Variants in CMIP observed in about 807,000 individuals in gnomAD.
The protein encoded by CMIP is C-Maf-inducing protein.
Under a neutral mutation model 97.3 loss-of-function variants are expected in CMIP, and 13 were observed. The observed-to-expected ratio is 0.13, with a 90% CI of 0.09 to 0.21. The LOEUF (loss-of-function observed/expected upper bound fraction) is 0.21. CMIP is among the 10% of genes least tolerant of loss of function. The pLI is 1.00. For synonymous variants in CMIP, 538 were observed against 436.3 expected (o/e 1.23, Z -2.91); for missense variants, 847 against 1,024.9 (o/e 0.83, Z 2.37).
At chr16:81,461,437 G>A (rs547586969) in intron 1 of CMIP, among the ~76,000 whole-genome samples, 3 of 152,264 alleles carry the variant, frequency 2.0e-5, no homozygotes, top group South Asian at 2.1e-4. Context: ...TGCCTTGACC[G>A]TGGTAGACAT....
At chr16:81,483,256 G>T (rs1397023222) in intron 1 of CMIP, among the ~76,000 whole-genome samples, 1 of 152,214 alleles carries the variant, frequency 6.6e-6, no homozygotes, top group African/African-American at 2.4e-5. Context: ...AAGGCCATGG[G>T]GCAGCGGCTA....
chr16:81,707,302 A>T (rs545759204), intron 20 of CMIP, among the ~76,000 whole-genome samples: 1 of 152,376 alleles, frequency 6.6e-6, no homozygotes, highest in East Asian at 1.9e-4. Flanking sequence ...GTGATCAGGG[A>T]TGGTGCCTTT....
At chr16:81,610,982 C>T (rs1172088223) in intron 2 of CMIP, among the ~76,000 whole-genome samples, 3 of 152,136 alleles carry the variant, frequency 2.0e-5, no homozygotes, top group Non-Finnish European at 4.4e-5. Context: ...AAGAAACAGC[C>T]AGGTGCCCAT....
intron 1 of CMIP, among the ~76,000 whole-genome samples, chr16:81,562,430 C>A (rs1189917255): frequency 6.6e-6 from 1 of 152,232 alleles, no homozygotes; most frequent in Non-Finnish European, 1.5e-5. Context: ...GGTGCTGGAC[C>A]CTTCTGCCCT....
chr16:81,574,629 G>T (rs1345676187), intron 1 of CMIP, among the ~76,000 whole-genome samples: 1 of 152,230 alleles, frequency 6.6e-6, no homozygotes, highest in African/African-American at 2.4e-5. Context: ...CTTCGAGTAT[G>T]GCCTGAAATA....
At chr16:81,678,742 G>A in intron 10 of CMIP, 114 bp downstream of exon 10, 1 of 608,324 alleles carries the variant, frequency 1.6e-6, no homozygotes, top group South Asian at 1.9e-5. Context: ...GCATGGTAGA[G>A]TGGCTTGTGT....
intron 1 of CMIP, among the ~76,000 whole-genome samples, chr16:81,448,646 G>C (rs1906016029): frequency 6.6e-6 from 1 of 152,242 alleles, no homozygotes. Flanking sequence ...TCCTTGCAGA[G>C]CCAACAGCGT....
chr16:81,504,504 G>A (rs1288586228), intron 1 of CMIP, among the ~76,000 whole-genome samples: 2 of 151,590 alleles, frequency 1.3e-5, no homozygotes, highest in African/African-American at 4.9e-5. Flanking sequence ...TTAGCCGGGT[G>A]TAGTAGTGGG....
At chr16:81,454,803 C>T (rs897283592) in intron 1 of CMIP, among the ~76,000 whole-genome samples, 5 of 152,206 alleles carry the variant, frequency 3.3e-5, no homozygotes, top group Middle Eastern at 6.8e-3. Context: ...GAGGAAGAGA[C>T]GCCATCATGG....
chr16:81,512,357 C>T (rs1447398268), intron 1 of CMIP, among the ~76,000 whole-genome samples: 3 of 152,174 alleles, frequency 2.0e-5, no homozygotes, highest in African/African-American at 7.2e-5. Context: ...CTGATCTATC[C>T]ATCACCACCC....
chr16:81,453,088 C>A lies in CMIP; in HGVS notation c.300+7547C>A, dbSNP rs755524801. ...TCTGATTCACCTCTGGTTTTGCCAG[C>A]GAGGAAGGGGTGAGGGGAAGTGTGT... On this transcript the variant is annotated intron_variant, in intron 1 of 20. Transcript: ENST00000537098. The surrounding 1 kb of genome is among the most constrained non-coding windows in gnomAD (Gnocchi z 4.0). Among the ~76,000 whole-genome samples the A allele has an allele frequency of 5.3e-5, 8 of 152,170 alleles. No individual in the cohort carries two copies. The highest frequency in any genetic ancestry group is 3.4e-3 in the Middle Eastern group (1 of 294).
chr16:81,558,552 G>A (rs2090814402), intron 1 of CMIP, among the ~76,000 whole-genome samples: 2 of 152,230 alleles, frequency 1.3e-5, no homozygotes. Flanking sequence ...ACACCGCAGA[G>A]ATGACCTAGC....
intron 11 of CMIP, among the ~76,000 whole-genome samples, chr16:81,692,605 G>T (rs73600481): frequency 0.014 from 2,155 of 152,338 alleles, 42 homozygotes; most frequent in African/African-American, 0.049. Flanking sequence ...ATTGCCCCAT[G>T]TGCTGGCCTG....
At chr16:81,699,900 C>CG (rs896273026) in intron 15 of CMIP, 99 bp downstream of exon 15, 7 of 793,746 alleles carry the variant, frequency 8.8e-6, no homozygotes, top group African/African-American at 3.4e-5. Flanking sequence ...GCTGCAGGCA[C>CG]GGGGGGCAGT....
At chr16:81,622,030 G>C (rs942000724) in intron 3 of CMIP, 4 of 152,236 alleles carry the variant, frequency 2.6e-5, no homozygotes, top group Admixed American at 1.3e-4. Flanking sequence ...AGCTTCTACT[G>C]TGTGCCAGGA....
chr16:81,565,204 T>C (rs1175813507), intron 1 of CMIP, among the ~76,000 whole-genome samples: 2 of 152,124 alleles, frequency 1.3e-5, no homozygotes, highest in African/African-American at 4.8e-5. Flanking sequence ...GTATGTGAAC[T>C]TCAGCCCAAG....
At chr16:81,568,811 C>T (rs1597098633) in intron 1 of CMIP, among the ~76,000 whole-genome samples, 1 of 152,308 alleles carries the variant, frequency 6.6e-6, no homozygotes, top group East Asian at 1.9e-4. Flanking sequence ...ATAAACCAGT[C>T]TGAAAGGCGA....
At chr16:81,689,053 G>A (rs1266146382) in intron 10 of CMIP, among the ~76,000 whole-genome samples, 1 of 152,160 alleles carries the variant, frequency 6.6e-6, no homozygotes, top group Non-Finnish European at 1.5e-5. Context: ...AATCCAGTCT[G>A]TCATTGATGG....
At chr16:81,486,523 C>T (rs1185652205) in intron 1 of CMIP, among the ~76,000 whole-genome samples, 1 of 152,174 alleles carries the variant, frequency 6.6e-6, no homozygotes, top group Non-Finnish European at 1.5e-5. Context: ...GTGCCCAGGG[C>T]CGGGCCACTT....
Sources: allele counts gnomAD v4.1 joint callset (sites outside exome capture counted in the v4.1 genomes callset), GRCh38; gene constraint gnomAD v4.1.1; non-coding constraint Gnocchi (gnomAD v3.1); transcripts MANE v1.5; gene names NCBI Gene and HGNC (gene_info 2026-07-23, HGNC 2026-07-21).